Variants in VAV3 observed in about 807,000 individuals in gnomAD.
VAV3 encodes vav guanine nucleotide exchange factor 3.
In VAV3, 94 loss-of-function variants were observed where a neutral mutation model predicts 131.2. The observed-to-expected ratio is 0.72, with a 90% confidence interval of 0.61 to 0.85. The LOEUF (loss-of-function observed/expected upper bound fraction) is 0.85, where lower values mean the gene tolerates loss of function less well. Among genes scored for constraint, VAV3 ranks in the 40% least tolerant of loss-of-function variants. The pLI, the probability that VAV3 is intolerant of heterozygous loss-of-function variation, is 0.00. For synonymous variants in VAV3, 349 were observed against 342.0 expected, an observed-to-expected ratio of 1.02 and a Z score of -0.22; for missense variants, 939 against 1,002.7, an observed-to-expected ratio of 0.94 and a Z score of 0.86.
chr1:107,835,632 G>C (rs561785589), intron 2 of VAV3, among the ~76,000 whole-genome samples: 1 of 152,296 alleles, frequency 6.6e-6, no homozygotes, highest in African/African-American at 2.4e-5. Flanking sequence ...AAAACTAGCA[G>C]GTAGGGACAG....
intron 20 of VAV3, among the ~76,000 whole-genome samples, chr1:107,642,259 T>C (rs1655397838): frequency 1.3e-5 from 2 of 152,128 alleles, no homozygotes; most frequent in Non-Finnish European, 2.9e-5. Context: ...AGAAGCCGGC[T>C]AAATCCTACC....
At chr1:107,760,286 A>C (rs541606003) in intron 10 of VAV3, among the ~76,000 whole-genome samples, 42 of 152,296 alleles carry the variant, frequency 2.8e-4, no homozygotes, top group Middle Eastern at 3.4e-3. Context: ...TAACCGTGGA[A>C]ACCATAGCTT....
At chr1:107,805,024 C>G (rs908419420) in intron 2 of VAV3, among the ~76,000 whole-genome samples, 5 of 152,068 alleles carry the variant, frequency 3.3e-5, no homozygotes, top group African/African-American at 1.2e-4. Flanking sequence ...GTTGAGAAGT[C>G]TGTTGCCAGA....
chr1:107,943,689 C>T (rs1288671204), intron 1 of VAV3, among the ~76,000 whole-genome samples: 1 of 152,202 alleles, frequency 6.6e-6, no homozygotes, highest in Non-Finnish European at 1.5e-5. Flanking sequence ...TTGCAGTGAG[C>T]CGAGATGGTG....
intron 19 of VAV3, among the ~76,000 whole-genome samples, chr1:107,675,505 A>G (rs1658139347): frequency 6.6e-6 from 1 of 152,196 alleles, no homozygotes. Context: ...TAAAAGTGCT[A>G]TTATGCATGA....
intron 1 of VAV3, among the ~76,000 whole-genome samples, chr1:107,888,825 T>A (rs1383581736): frequency 6.6e-6 from 1 of 152,138 alleles, no homozygotes; most frequent in Non-Finnish European, 1.5e-5. Context: ...TGTACTAAAT[T>A]ACATTCTATT....
At chr1:107,794,761 G>A (rs537312561) in intron 2 of VAV3, among the ~76,000 whole-genome samples, 18 of 152,312 alleles carry the variant, frequency 1.2e-4, no homozygotes, top group African/African-American at 4.1e-4. Context: ...TAGCTCCTCT[G>A]ACTGTATGTG....
At chr1:107,830,162 C>A (rs947446557) in intron 2 of VAV3, among the ~76,000 whole-genome samples, 1 of 151,976 alleles carries the variant, frequency 6.6e-6, no homozygotes, top group Non-Finnish European at 1.5e-5. Context: ...GTTTCTCATG[C>A]ACATAAGATC....
intron 24 of VAV3, among the ~76,000 whole-genome samples, chr1:107,597,213 TA>T (rs1410608691): frequency 7.9e-6 from 1 of 127,184 alleles, no homozygotes. Flanking sequence ...AGCGCCTTTT[TA>T]AAAATAAAAA....
In VAV3 at chr1:107,798,514, C is replaced by T. The variant is rs530596267; in HGVS notation, c.322-19022G>A. Among the ~76,000 whole-genome samples the T allele has an allele frequency of 2.2e-3, 329 of 151,822 alleles. 1 individual carries two copies. Among genetic ancestry groups the T allele is most frequent in the South Asian group, 8.3e-3 (40 of 4,804 alleles). The stretch of plus-strand genomic sequence containing the variant: ...TGGGCGGATCATGAGGTCAGGAGAT[C>T]GAGACCATTCTGGCTAACACAGTGT... On this transcript the variant is annotated intron_variant, in intron 2 of 26. Transcript: ENST00000370056.
intron 1 of VAV3, among the ~76,000 whole-genome samples, chr1:107,940,479 A>G (rs955573834): frequency 3.9e-5 from 6 of 152,226 alleles, no homozygotes; most frequent in Non-Finnish European, 8.8e-5. Context: ...AAGATAGAGA[A>G]GGTTCTACAA....
intron 9 of VAV3, among the ~76,000 whole-genome samples, chr1:107,763,367 T>G (rs540475862): frequency 6.6e-6 from 1 of 152,122 alleles, no homozygotes; most frequent in African/African-American, 2.4e-5. Flanking sequence ...ACAATAACTC[T>G]GAAAGAAGGA....
intron 1 of VAV3, among the ~76,000 whole-genome samples, chr1:107,952,032 A>G (rs1274726798): frequency 6.6e-6 from 1 of 152,134 alleles, no homozygotes; most frequent in African/African-American, 2.4e-5. Context: ...TATGTTCACT[A>G]CAGCACTATT....
chr1:107,649,461 T>TA (rs1220856509), intron 19 of VAV3, among the ~76,000 whole-genome samples: 4 of 152,092 alleles, frequency 2.6e-5, no homozygotes, highest in Admixed American at 2.6e-4. Flanking sequence ...CACTAGTTTA[T>TA]AAAATGGTTG....
chr1:107,724,066 T>G (rs776165816), intron 15 of VAV3, among the ~76,000 whole-genome samples: 8 of 151,984 alleles, frequency 5.3e-5, no homozygotes, highest in Non-Finnish European at 7.4e-5. Flanking sequence ...TAACCCAATA[T>G]TAAGGAGTAT....
At chr1:107,596,399 T>G in intron 24 of VAV3, 58 bp from the exon 25 acceptor site, 1 of 1,582,820 alleles carries the variant, frequency 6.3e-7, no homozygotes, top group Non-Finnish European at 8.6e-7. Flanking sequence ...CTCAAACACA[T>G]GAACTCCTGA....
chr1:107,928,562 T>C (rs1215788209), intron 1 of VAV3, among the ~76,000 whole-genome samples: 1 of 152,274 alleles, frequency 6.6e-6, no homozygotes, highest in East Asian at 1.9e-4. Flanking sequence ...AACAAAGGGA[T>C]TGAAATAATT....
rs775045272 is a variant in VAV3 at position 107,760,829 on chromosome 1, A to G, written c.972T>C (p.Leu324=). 6.2e-7 allele frequency: 1 copy of G among 1,613,954 alleles called. No homozygotes were observed. The highest frequency in any genetic ancestry group is 1.1e-5 in the South Asian group (1 of 91,072). Residue 324 remains leucine (L), a synonymous_variant, in exon 10 of 27, where the codon CTT becomes CTC. Transcript: ENST00000370056. ...NNGKFTLRDL[L]VVPMQRVLKY... Reference sequence around the variant, plus strand: ...TTAAAACACGTTGCATAGGAACCACAAGCAAGTCTCGAAGAGTAAATTTCC... The same window carrying G: ...TTAAAACACGTTGCATAGGAACCACGAGCAAGTCTCGAAGAGTAAATTTCC...
At position 107,964,960 on chromosome 1, in the gene VAV3, A is replaced by C; in HGVS notation, c.-91T>G. The C allele has an allele frequency of 9.2e-7, 1 of 1,088,032 alleles. No individual in the cohort carries two copies. The highest frequency in any genetic ancestry group is 1.2e-6 in the Non-Finnish European group (1 of 864,756). The allele number at this position is 1,088,032 out of a possible 1,614,324, so 67.4% of individuals were successfully genotyped here. A position where few individuals can be genotyped will look rare whatever the true frequency, so the allele number is the denominator to read the frequency against. ...GCCGCGGTTCCTCCGCGCCCCGCCG[A>C]CGCCAACAGCCGCCGGCCCTTTCCC... On this transcript the variant is annotated 5_prime_UTR_variant, in exon 1 of 27. Transcript: ENST00000370056.
Sources: gnomAD v4.1 joint callset for allele counts (sites outside exome capture counted in the v4.1 genomes callset) on GRCh38, gnomAD v4.1.1 for gene constraint, MANE v1.5 for transcripts, NCBI Gene and HGNC (gene_info 2026-07-23, HGNC 2026-07-21) for gene names.